Variants in SPTLC3 observed in about 807,000 individuals in gnomAD.
SPTLC3 encodes the protein serine palmitoyltransferase long chain base subunit 3.
Under a neutral mutation model 59.3 loss-of-function variants are expected in SPTLC3, and 36 were observed. The observed-to-expected ratio is 0.61, with a 90% CI of 0.47 to 0.80. The LOEUF (loss-of-function observed/expected upper bound fraction) is 0.80, where lower values mean the gene tolerates loss of function less well. SPTLC3 is among the 30% of genes least tolerant of loss of function. The pLI is 0.00. For synonymous variants in SPTLC3, 257 were observed against 240.8 expected, an observed-to-expected ratio of 1.07 and a Z score of -0.62; for missense variants, 625 against 685.1, an observed-to-expected ratio of 0.91 and a Z score of 0.98.
chr20:13,046,670 G>A (rs186970248), intron 1 of SPTLC3, among the ~76,000 whole-genome samples: 1 of 152,264 alleles, frequency 6.6e-6, no homozygotes, highest in East Asian at 1.9e-4. Context: ...GCAGAACAGA[G>A]CCAAGGAAAG....
rs566512332 is a variant in SPTLC3, at chr20:13,105,937, C to T, written c.827-4175C>T. Reference sequence around the variant, plus strand: ...AAGGTTTTCTTCAATATTTTAGGAACTCTGCCTAAAGCAAAAGTGAAAAGA... The same window carrying T: ...AAGGTTTTCTTCAATATTTTAGGAATTCTGCCTAAAGCAAAAGTGAAAAGA... On this transcript the variant is annotated intron_variant, in intron 6 of 11. Coordinates refer to ENST00000399002, the MANE Select transcript of SPTLC3 (RefSeq NM_018327.4). 1.4e-4 allele frequency among the ~76,000 whole-genome samples: 22 copies of T among 152,280 alleles called. No individual in the cohort carries two copies. The East Asian group carries it at 2.7e-3, about 19-fold the overall frequency.
At chr20:13,081,998 A>T (rs1243468838) in intron 4 of SPTLC3, among the ~76,000 whole-genome samples, 3 of 152,212 alleles carry the variant, frequency 2.0e-5, no homozygotes. Flanking sequence ...CCTGACCGTG[A>T]TAGAAATTAT....
intron 7 of SPTLC3, among the ~76,000 whole-genome samples, chr20:13,112,659 G>T (rs1990299895): frequency 6.6e-6 from 1 of 152,156 alleles, no homozygotes; most frequent in Admixed American, 6.5e-5. Context: ...TCACAAGAAA[G>T]TTCCTTTCAT....
chr20:13,056,846 A>C (rs1987752745), intron 2 of SPTLC3, among the ~76,000 whole-genome samples: 1 of 150,390 alleles, frequency 6.6e-6, no homozygotes, highest in South Asian at 2.1e-4. Context: ...GGTTCAAGTG[A>C]TTCTCCTGCC....
In SPTLC3 at chr20:13,165,275, G is replaced by A. The variant is rs542302884; in HGVS notation, c.*408G>A. ...ACTTATTCCATCTGCAGATGTAAGT[G>A]AGTGTGGTGGACAGTAGCCACCTTC... On this transcript the variant is annotated 3_prime_UTR_variant, in exon 12 of 12. Coordinates refer to ENST00000399002, the MANE Select transcript of SPTLC3 (RefSeq NM_018327.4). 6.1e-6 allele frequency: 1 copy of A among 164,544 alleles called. No individual in the cohort carries two copies. Among genetic ancestry groups the A allele is most frequent in the East Asian group, 1.7e-4 (1 of 5,800 alleles). The allele number at this position is 164,544 out of a possible 1,614,324, so 10.2% of individuals were successfully genotyped here.
chr20:13,014,221 A>G (rs1333564532), intron 1 of SPTLC3, among the ~76,000 whole-genome samples: 1 of 152,218 alleles, frequency 6.6e-6, no homozygotes, highest in Non-Finnish European at 1.5e-5. Context: ...AGTCACATTG[A>G]AAAAGGTTGT....
chr20:13,021,884 A>T (rs996107873), intron 1 of SPTLC3, among the ~76,000 whole-genome samples: 1 of 152,188 alleles, frequency 6.6e-6, no homozygotes, highest in African/African-American at 2.4e-5. Context: ...GATAGATTAG[A>T]TGGATGATAG....
chr20:13,009,427 G>A (rs1211922249), intron 1 of SPTLC3, 43 bp downstream of exon 1: 22 of 1,510,904 alleles, frequency 1.5e-5, no homozygotes, highest in Non-Finnish European at 1.7e-5. Context: ...TTACCTGAAC[G>A]TTTCAATATT....
chr20:13,119,353 G>A (rs985752858), intron 8 of SPTLC3, among the ~76,000 whole-genome samples: 5 of 152,090 alleles, frequency 3.3e-5, no homozygotes, highest in Admixed American at 6.5e-5. Context: ...ACAAAGGCTC[G>A]CGACTAGCAG....
rs1415124545 is a variant in SPTLC3, at chr20:13,088,490, A to G, written c.608-2593A>G. ...GCTGGGACTACAGGCGCCCGCCACC[A>G]CGCCCAGCTAATTTTTCGTATTTTT... On this transcript the variant is annotated intron_variant, in intron 4 of 11. Transcript: ENST00000399002. 2.0e-5 allele frequency among the ~76,000 whole-genome samples: 3 copies of G among 148,926 alleles called. No homozygotes were observed. The East Asian group carries it at 6.0e-4, about 30-fold the overall frequency.
chr20:13,035,064 C>G (rs1356399300), intron 1 of SPTLC3, among the ~76,000 whole-genome samples: 1 of 152,116 alleles, frequency 6.6e-6, no homozygotes, highest in Non-Finnish European at 1.5e-5. Context: ...ACCTCCCCTG[C>G]CTTTTCCAGC....
intron 8 of SPTLC3, among the ~76,000 whole-genome samples, chr20:13,125,206 C>A (rs6078931): frequency 2.6e-5 from 4 of 152,074 alleles, no homozygotes; most frequent in African/African-American, 9.7e-5. Flanking sequence ...CTTCTTAGGG[C>A]TTTCAGCAAG....
At chr20:13,122,750 T>C (rs1319786865) in intron 8 of SPTLC3, among the ~76,000 whole-genome samples, 1 of 152,190 alleles carries the variant, frequency 6.6e-6, no homozygotes, top group Non-Finnish European at 1.5e-5. Flanking sequence ...CTCTTCAGGG[T>C]CATTCAACCT....
chr20:13,038,332 G>A (rs1986827635), intron 1 of SPTLC3, among the ~76,000 whole-genome samples: 1 of 152,032 alleles, frequency 6.6e-6, no homozygotes, highest in South Asian at 2.1e-4. Flanking sequence ...TTTTCTGTGG[G>A]AAGTTTCAAA....
intron 9 of SPTLC3, among the ~76,000 whole-genome samples, chr20:13,128,907 G>A (rs996458403): frequency 1.8e-4 from 24 of 133,528 alleles, no homozygotes; most frequent in Admixed American, 1.0e-3. Flanking sequence ...ACAGAGTTTC[G>A]CTCTTGTCAC....
chr20:13,083,450 T>C lies in SPTLC3; in HGVS notation c.608-7633T>C, dbSNP rs148360082. ...CAATATAGAGCCTCTCATCTTATCA[T>C]ATACTACTTTCAGACTTAATTCTCT... On this transcript the variant is annotated intron_variant, in intron 4 of 11. Coordinates refer to ENST00000399002, the MANE Select transcript of SPTLC3 (RefSeq NM_018327.4). 4.3e-4 allele frequency among the ~76,000 whole-genome samples: 65 copies of C among 152,316 alleles called. 2 individuals are homozygous for C. In the East Asian group the frequency reaches 6.6e-3, roughly 15 times the overall value.
At chr20:13,066,879 C>T in intron 2 of SPTLC3, among the ~76,000 whole-genome samples, 1 of 150,124 alleles carries the variant, frequency 6.7e-6, no homozygotes, top group Non-Finnish European at 1.5e-5. Context: ...CTTGACTTTC[C>T]CTTTATATTT....
At chr20:13,029,619 G>A (rs539207245) in intron 1 of SPTLC3, among the ~76,000 whole-genome samples, 3 of 152,210 alleles carry the variant, frequency 2.0e-5, no homozygotes, top group Non-Finnish European at 2.9e-5. Context: ...TTTTCTTAGC[G>A]AATTACTTGT....
At chr20:13,009,441 C>A in intron 1 of SPTLC3, 57 bp downstream of exon 1, 1 of 1,469,068 alleles carries the variant, frequency 6.8e-7, no homozygotes, top group South Asian at 1.2e-5. Flanking sequence ...CAATATTTCT[C>A]TGTGAAGATA....
Sources: allele counts gnomAD v4.1 joint callset (sites outside exome capture counted in the v4.1 genomes callset), GRCh38; gene constraint gnomAD v4.1.1; transcripts MANE v1.5; gene names NCBI Gene and HGNC (gene_info 2026-07-23, HGNC 2026-07-21).